The following IGFBP7 variants were observed in gnomAD, a reference collection of about 807,000 sequenced individuals.
IGFBP7 encodes the protein insulin like growth factor binding protein 7.
A neutral mutation model predicts 29.4 loss-of-function variants in IGFBP7; 31 were observed. The ratio of observed to expected loss-of-function variants is 1.05; its 90% CI spans 0.79 to 1.42. IGFBP7 has a LOEUF of 1.42. Among genes scored for constraint, IGFBP7 ranks in the 40% most tolerant of loss-of-function variants. The probability of loss-of-function intolerance (pLI) is 0.00; values close to 1 mark genes in which losing one functional copy is unlikely to be tolerated. For missense variants in IGFBP7, 393 were observed against 395.5 expected (o/e 0.99, Z 0.05); for synonymous variants, 172 against 174.9 (o/e 0.98, Z 0.13).
At chr4:57,109,802 C>G (rs905052017) in intron 1 of IGFBP7, 75 bp downstream of exon 1, 7 of 1,460,842 alleles carry the variant, frequency 4.8e-6, no homozygotes, top group Admixed American at 2.4e-5. Context: ...GCGAGGCCGC[C>G]GCGGACGCCC....
chr4:57,098,427 G>A (rs962593965), intron 1 of IGFBP7, among the ~76,000 whole-genome samples: 2 of 152,172 alleles, frequency 1.3e-5, no homozygotes, highest in African/African-American at 4.8e-5. Flanking sequence ...GGCACGAGCT[G>A]CTCACTTTGC....
chr4:57,102,629 A>G (rs965707485), intron 1 of IGFBP7, among the ~76,000 whole-genome samples: 2 of 152,230 alleles, frequency 1.3e-5, no homozygotes, highest in African/African-American at 4.8e-5. Context: ...TTAATAACTA[A>G]TTCCCAAACG....
intron 3 of IGFBP7, 83 bp from the exon 4 acceptor site, chr4:57,032,635 A>G (rs1051256627): frequency 1.8e-6 from 2 of 1,093,782 alleles, no homozygotes; most frequent in Non-Finnish European, 2.8e-6. Flanking sequence ...TATTTCATAA[A>G]TTTCCTAAGA....
At chr4:57,083,951 A>G (rs1725434781) in intron 1 of IGFBP7, among the ~76,000 whole-genome samples, 1 of 152,212 alleles carries the variant, frequency 6.6e-6, no homozygotes, top group Non-Finnish European at 1.5e-5. Flanking sequence ...GGTATGAAGC[A>G]GGGCAAACTG....
chr4:57,084,817 G>T (rs1412458267), intron 1 of IGFBP7, among the ~76,000 whole-genome samples: 11 of 105,026 alleles, frequency 1.0e-4, no homozygotes, highest in South Asian at 6.4e-4. Context: ...TTGGGACAAG[G>T]TCTCACTGTG....
intron 1 of IGFBP7, among the ~76,000 whole-genome samples, chr4:57,080,858 C>T (rs1725348964): frequency 6.6e-6 from 1 of 152,356 alleles, no homozygotes; most frequent in South Asian, 2.1e-4. Flanking sequence ...ATCAGCACCA[C>T]CAATGAAAGT....
intron 1 of IGFBP7, among the ~76,000 whole-genome samples, chr4:57,099,683 C>T (rs138814197): frequency 9.1e-4 from 139 of 152,324 alleles, no homozygotes; most frequent in African/African-American, 3.3e-3. Flanking sequence ...CTAGCACACT[C>T]GCTGATCCTT....
At chr4:57,039,825 T>C (rs1161109487) in intron 2 of IGFBP7, among the ~76,000 whole-genome samples, 3 of 152,122 alleles carry the variant, frequency 2.0e-5, no homozygotes, top group Non-Finnish European at 2.9e-5. Context: ...GAAGTCTCAC[T>C]GTGTTGGTCA....
intron 1 of IGFBP7, among the ~76,000 whole-genome samples, chr4:57,069,435 A>G (rs1725002178): frequency 6.6e-6 from 1 of 152,124 alleles, no homozygotes; most frequent in Admixed American, 6.5e-5. Flanking sequence ...AAAAAATAAA[A>G]CAAAAAATAA....
chr4:57,036,862 A>G (rs1342492747), intron 2 of IGFBP7, among the ~76,000 whole-genome samples: 1 of 152,220 alleles, frequency 6.6e-6, no homozygotes, highest in Non-Finnish European at 1.5e-5. Flanking sequence ...AATCTATCCA[A>G]AAAGGTGTTC....
At chr4:57,058,061 A>C (rs894630366) in intron 1 of IGFBP7, among the ~76,000 whole-genome samples, 1 of 152,216 alleles carries the variant, frequency 6.6e-6, no homozygotes, top group Non-Finnish European at 1.5e-5. Flanking sequence ...ACAGAGAGAG[A>C]GAAGATTAAT....
intron 1 of IGFBP7, among the ~76,000 whole-genome samples, chr4:57,101,921 T>C (rs1291116721): frequency 6.6e-6 from 1 of 152,200 alleles, no homozygotes; most frequent in Non-Finnish European, 1.5e-5. Context: ...CACATATACC[T>C]AAGTCTCCTT....
intron 1 of IGFBP7, among the ~76,000 whole-genome samples, chr4:57,064,424 AT>A (rs1462801487): frequency 6.6e-6 from 1 of 152,254 alleles, no homozygotes; most frequent in Non-Finnish European, 1.5e-5. Flanking sequence ...GGGAAAATGG[AT>A]TTAAAAGAAA....
chr4:57,093,398 G>A (rs936689237), intron 1 of IGFBP7, among the ~76,000 whole-genome samples: 2 of 151,972 alleles, frequency 1.3e-5, no homozygotes, highest in African/African-American at 4.8e-5. Flanking sequence ...TACTCAGGAG[G>A]CTGAGGCGGG....
At chr4:57,095,381 C>CA (rs1448883174) in intron 1 of IGFBP7, among the ~76,000 whole-genome samples, 3 of 152,114 alleles carry the variant, frequency 2.0e-5, no homozygotes, top group Non-Finnish European at 4.4e-5. Context: ...CTTACTAGAA[C>CA]AAAACTTCAG....
intron 1 of IGFBP7, among the ~76,000 whole-genome samples, chr4:57,063,917 A>G (rs943686789): frequency 6.6e-6 from 1 of 152,250 alleles, no homozygotes; most frequent in Admixed American, 6.5e-5. Flanking sequence ...AAAACCCAGG[A>G]GATAAAAGAT....
At chr4:57,087,147 C>A (rs1004181207) in intron 1 of IGFBP7, among the ~76,000 whole-genome samples, 2 of 152,238 alleles carry the variant, frequency 1.3e-5, no homozygotes, top group Non-Finnish European at 2.9e-5. Context: ...CTGTGCCCCA[C>A]AGCACCAGGA....
At chr4:57,048,965 T>A (rs567630404) in intron 1 of IGFBP7, among the ~76,000 whole-genome samples, 1 of 152,344 alleles carries the variant, frequency 6.6e-6, no homozygotes, top group East Asian at 1.9e-4. Flanking sequence ...GAACCTATCA[T>A]GAATGTGTCC....
chr4:57,052,743 T>A (rs1724536762), intron 1 of IGFBP7, among the ~76,000 whole-genome samples: 1 of 152,202 alleles, frequency 6.6e-6, no homozygotes, highest in South Asian at 2.1e-4. Context: ...GTGAGTTGAG[T>A]TCCTGGCTGA....
Sources: gnomAD v4.1 joint callset for allele counts (sites outside exome capture counted in the v4.1 genomes callset) on GRCh38, gnomAD v4.1.1 for gene constraint, MANE v1.5 for transcripts, NCBI Gene and HGNC (gene_info 2026-07-23, HGNC 2026-07-21) for gene names.